The following GALNT9 variants were observed in gnomAD, a reference collection of about 807,000 sequenced individuals.
GALNT9 encodes GalNAc transferase 9.
Under a neutral mutation model 63.1 loss-of-function variants are expected in GALNT9, and 47 were observed. The observed-to-expected ratio is 0.75, with a 90% CI of 0.59 to 0.95. The LOEUF (loss-of-function observed/expected upper bound fraction) is 0.95, where lower values mean the gene tolerates loss of function less well. GALNT9 is among the 40% of genes least tolerant of loss of function. The pLI, the probability that GALNT9 is intolerant of heterozygous loss-of-function variation, is 0.00. For missense variants in GALNT9, 829 were observed against 874.8 expected (o/e 0.95, Z 0.66); for synonymous variants, 396 against 365.7 (o/e 1.08, Z -0.94).
chr12:132,329,388 G>C lies in GALNT9; in HGVS notation c.-185C>G. 1.2e-6 allele frequency: 1 copy of C among 836,738 alleles called. No homozygotes were observed. The highest frequency in any genetic ancestry group is 3.1e-5 in the South Asian group (1 of 32,128). The allele number at this position is 836,738 out of a possible 1,614,324, so 51.8% of individuals were successfully genotyped here. A position where few individuals can be genotyped will look rare whatever the true frequency, so the allele number is the denominator to read the frequency against. On this transcript the variant is annotated 5_prime_UTR_variant, in exon 1 of 11. Transcript: ENST00000328957. ...GGCCACGGCCGCCGGGGGTCCCCCA[G>C]AGCGCAGAGGGCTGCCCGGGGCTGG...
At chr12:132,269,920 A>G (rs1166331100) in intron 2 of GALNT9, among the ~76,000 whole-genome samples, 1 of 152,180 alleles carries the variant, frequency 6.6e-6, no homozygotes, top group Non-Finnish European at 1.5e-5. Flanking sequence ...TGTTCTACAA[A>G]CAGCTTTGAG....
chr12:132,299,325 T>C (rs1881204026), intron 1 of GALNT9, among the ~76,000 whole-genome samples: 1 of 135,504 alleles, frequency 7.4e-6, no homozygotes, highest in Non-Finnish European at 1.6e-5. Context: ...ATCCCTGAGA[T>C]AACCAAGCCA....
chr12:132,324,285 C>G (rs549678048), intron 1 of GALNT9, among the ~76,000 whole-genome samples: 1 of 152,184 alleles, frequency 6.6e-6, no homozygotes, highest in African/African-American at 2.4e-5. Context: ...GAGACGCACG[C>G]GTGGCGGCAG....
At chr12:132,199,939 G>A (rs903957509) in intron 8 of GALNT9, among the ~76,000 whole-genome samples, 1 of 152,228 alleles carries the variant, frequency 6.6e-6, no homozygotes, top group Non-Finnish European at 1.5e-5. Context: ...CGGCCACCAC[G>A]AGAGGTCACA....
intron 1 of GALNT9, among the ~76,000 whole-genome samples, chr12:132,300,553 A>T (rs1449775513): frequency 1.5e-5 from 2 of 129,532 alleles, no homozygotes; most frequent in African/African-American, 6.4e-5. Flanking sequence ...CCCATAACTC[A>T]CCCACTCCCA....
chr12:132,286,123 TC>T lies in GALNT9; in HGVS notation c.419+126del. Reference sequence around the variant, plus strand: ...CCGGCGGGCGTGGGGGGCGGTCACTTCCCTGGCGGGCGTGGGGGCCGCTCAC... The same window carrying T: ...CCGGCGGGCGTGGGGGGCGGTCACTTCCTGGCGGGCGTGGGGGCCGCTCAC... On this transcript the variant is annotated intron_variant, in intron 2 of 10. Coordinates refer to ENST00000328957, the MANE Select transcript of GALNT9 (RefSeq NM_001122636.2). The surrounding 1 kb of genome is among the most constrained non-coding windows in gnomAD (Gnocchi z 7.4). 2 of 1,122,642 alleles carry T rather than the reference TC, an allele frequency of 1.8e-6. No homozygotes were observed. Among genetic ancestry groups the T allele is most frequent in the Non-Finnish European group, 2.4e-6 (2 of 838,264 alleles). 69.5% of individuals were successfully genotyped at this position (1,122,642 alleles called of 1,614,324 possible).
At position 132,236,732 on chromosome 12, in the gene GALNT9, C is replaced by T. The variant is rs1878017900; in HGVS notation, c.1077+11178G>A. Among the ~76,000 whole-genome samples, 1 of 152,208 alleles carries T rather than the reference C, an allele frequency of 6.6e-6. No homozygotes were observed. The highest frequency in any genetic ancestry group is 1.5e-5 in the Non-Finnish European group (1 of 68,042). Reference sequence around the variant, plus strand: ...CATCAAGCCTGGCCTCGGCCAGCCACGCCTCCTGGGGGTCTCCCGTGTCTA... The same window carrying T: ...CATCAAGCCTGGCCTCGGCCAGCCATGCCTCCTGGGGGTCTCCCGTGTCTA... On this transcript the variant is annotated intron_variant, in intron 6 of 10. Transcript: ENST00000328957. This position sits in a 1 kb window ranked among gnomAD's most constrained non-coding sequence, Gnocchi z 5.6.
intron 5 of GALNT9, among the ~76,000 whole-genome samples, chr12:132,251,694 T>C (rs1411408112): frequency 1.3e-5 from 2 of 152,092 alleles, no homozygotes; most frequent in East Asian, 1.9e-4. Flanking sequence ...CTCTGCAAGC[T>C]GGAGGGCCCT....
In GALNT9 at chr12:132,246,001, T is replaced by C. The variant is rs1878695167; in HGVS notation, c.1077+1909A>G. Among the ~76,000 whole-genome samples the C allele has an allele frequency of 6.6e-6, 1 of 152,218 alleles. No homozygotes were observed. The highest frequency in any genetic ancestry group is 1.5e-5 in the Non-Finnish European group (1 of 68,034). On this transcript the variant is annotated intron_variant, in intron 6 of 10. Coordinates refer to ENST00000328957, the MANE Select transcript of GALNT9 (RefSeq NM_001122636.2). The surrounding 1 kb of genome is among the most constrained non-coding windows in gnomAD (Gnocchi z 4.7). ...CACCCTCCCCAGGCTGTCCTCCTCG[T>C]CTCTGCGGTGCGTTCCATCCCTCTG...
intron 6 of GALNT9, among the ~76,000 whole-genome samples, chr12:132,212,976 C>A (rs188752976): frequency 6.8e-6 from 1 of 147,892 alleles, no homozygotes; most frequent in Admixed American, 6.7e-5. Context: ...GGAAACCCCA[C>A]CCGGGTCTAC....
chr12:132,247,869 C>T, intron 6 of GALNT9, 41 bp downstream of exon 6: 1 of 1,550,308 alleles, frequency 6.5e-7, no homozygotes, highest in Non-Finnish European at 8.7e-7. Flanking sequence ...TGTGGCCTCA[C>T]TCGCCCTCAC....
intron 7 of GALNT9, among the ~76,000 whole-genome samples, chr12:132,202,817 T>C (rs956756290): frequency 1.3e-5 from 2 of 151,568 alleles, no homozygotes; most frequent in African/African-American, 4.9e-5. Flanking sequence ...TTTCTTAGGG[T>C]TGTGGGGGTG....
intron 2 of GALNT9, among the ~76,000 whole-genome samples, chr12:132,264,150 T>A (rs907952220): frequency 2.0e-5 from 3 of 152,218 alleles, no homozygotes; most frequent in African/African-American, 7.2e-5. Context: ...CGGCCTTTTA[T>A]TGATGGATCT....
At chr12:132,288,655 G>T (rs1880693742) in intron 1 of GALNT9, among the ~76,000 whole-genome samples, 1 of 151,994 alleles carries the variant, frequency 6.6e-6, no homozygotes, top group Admixed American at 6.5e-5. Context: ...GCTGAGCGTG[G>T]TTCCGGACGG....
intron 6 of GALNT9, among the ~76,000 whole-genome samples, chr12:132,221,144 A>C (rs1877428773): frequency 6.8e-6 from 1 of 147,198 alleles, no homozygotes. Flanking sequence ...TCATGAGGTC[A>C]GGAGTTCGAG....
chr12:132,286,863 C>T lies in GALNT9; in HGVS notation c.239-433G>A, dbSNP rs536435234. Among the ~76,000 whole-genome samples, 66 of 152,170 alleles carry T rather than the reference C, an allele frequency of 4.3e-4. No homozygotes were observed. The highest frequency in any genetic ancestry group is 8.5e-4 in the Non-Finnish European group (58 of 68,038). On this transcript the variant is annotated intron_variant, in intron 1 of 10. Transcript: ENST00000328957. The surrounding 1 kb of genome is among the most constrained non-coding windows in gnomAD (Gnocchi z 7.4). ...TGAGTAAATGGGTGGGCCTCCACAA[C>T]TGGCAAATTTTTGTATTTTTAGTGG... is the stretch of plus-strand genomic sequence containing the variant.
At chr12:132,206,620 C>T (rs982196854) in intron 6 of GALNT9, among the ~76,000 whole-genome samples, 1 of 147,488 alleles carries the variant, frequency 6.8e-6, no homozygotes, top group African/African-American at 2.5e-5. Context: ...GCACTGCAGC[C>T]TGGGCGACAG....
intron 6 of GALNT9, among the ~76,000 whole-genome samples, chr12:132,207,169 G>A (rs1238074072): frequency 1.3e-5 from 2 of 152,160 alleles, no homozygotes; most frequent in Admixed American, 6.5e-5. Context: ...CCATAGCTGG[G>A]CGTCCGGACC....
intron 1 of GALNT9, among the ~76,000 whole-genome samples, chr12:132,291,125 C>T: frequency 1.8e-5 from 1 of 54,180 alleles, no homozygotes. Context: ...TCCACAGCAC[C>T]CACATCCACA....
Sources: allele counts gnomAD v4.1 joint callset (sites outside exome capture counted in the v4.1 genomes callset), GRCh38; gene constraint gnomAD v4.1.1; non-coding constraint Gnocchi (gnomAD v3.1); transcripts MANE v1.5; gene names NCBI Gene and HGNC (gene_info 2026-07-23, HGNC 2026-07-21).